The following PDE4D variants were observed in gnomAD, a reference collection of about 807,000 sequenced individuals.
PDE4D encodes the protein 3',5'-cyclic-AMP phosphodiesterase 4D.
Under a neutral mutation model 87.4 loss-of-function variants are expected in PDE4D, and 24 were observed. The ratio of observed to expected loss-of-function variants is 0.27; its 90% CI spans 0.20 to 0.39. The LOEUF (loss-of-function observed/expected upper bound fraction) is 0.39, where lower values mean the gene tolerates loss of function less well. PDE4D is among the 10% of genes least tolerant of loss of function. The probability of loss-of-function intolerance (pLI) is 1.00; values close to 1 mark genes in which losing one functional copy is unlikely to be tolerated. For missense variants in PDE4D, 714 were observed against 1,041.0 expected, an observed-to-expected ratio of 0.69 and a Z score of 4.32; for synonymous variants, 384 against 383.2, an observed-to-expected ratio of 1.00 and a Z score of -0.02.
chr5:60,100,820 A>G (rs1401380519), intron 2 of PDE4D, among the ~76,000 whole-genome samples: 1 of 152,134 alleles, frequency 6.6e-6, no homozygotes, highest in Non-Finnish European at 1.5e-5. Context: ...AAATATGTTC[A>G]CACATACACA....
At chr5:59,794,137 G>GCACACACACACACACA (rs58204799) in intron 1 of PDE4D, among the ~76,000 whole-genome samples, 1 of 144,956 alleles carries the variant, frequency 6.9e-6, no homozygotes, top group Non-Finnish European at 1.5e-5. Context: ...ACACAGAGGC[G>GCACACACACACACACA]CACACACACA....
chr5:60,365,905 A>G (rs374599698), intron 1 of PDE4D, among the ~76,000 whole-genome samples: 4 of 152,040 alleles, frequency 2.6e-5, no homozygotes, highest in African/African-American at 4.8e-5. Flanking sequence ...TTATTCGTGC[A>G]TGATGGCACA....
intron 1 of PDE4D, among the ~76,000 whole-genome samples, chr5:60,482,584 A>T (rs1030413275): frequency 7.9e-5 from 12 of 152,246 alleles, no homozygotes. Context: ...GAGTGGAGTC[A>T]CAAGAACACT....
chr5:60,383,296 G>T (rs1307448508), intron 1 of PDE4D, among the ~76,000 whole-genome samples: 1 of 152,132 alleles, frequency 6.6e-6, no homozygotes, highest in African/African-American at 2.4e-5. Context: ...AAAAAGAAAT[G>T]ATAAGCCCTC....
intron 3 of PDE4D, among the ~76,000 whole-genome samples, chr5:59,905,481 G>A (rs1175822083): frequency 6.6e-6 from 1 of 152,036 alleles, no homozygotes; most frequent in Non-Finnish European, 1.5e-5. Context: ...ATTCTTAAAA[G>A]TATGTCATTT....
At chr5:59,386,702 G>GAAGAGAGGGAGGGAGGGAGA (rs1562081601) in intron 1 of PDE4D, among the ~76,000 whole-genome samples, 7 of 144,884 alleles carry the variant, frequency 4.8e-5, no homozygotes, top group African/African-American at 1.5e-4. Context: ...AGGGAGGGAG[G>GAAGAGAGGGAGGGAGGGAGA]GAGGGAGGGA....
At chr5:60,393,843 G>A (rs1471945516) in intron 1 of PDE4D, among the ~76,000 whole-genome samples, 1 of 152,206 alleles carries the variant, frequency 6.6e-6, no homozygotes, top group South Asian at 2.1e-4. Context: ...AGATTCTGGT[G>A]TGGAAGAAAA....
At chr5:59,626,875 A>G (rs1337192106) in intron 1 of PDE4D, among the ~76,000 whole-genome samples, 1 of 152,224 alleles carries the variant, frequency 6.6e-6, no homozygotes, top group Non-Finnish European at 1.5e-5. Flanking sequence ...TGCCTCAAAC[A>G]TAAATAAGAT....
intron 1 of PDE4D, among the ~76,000 whole-genome samples, chr5:60,345,211 C>A (rs988777410): frequency 6.6e-6 from 1 of 151,940 alleles, no homozygotes; most frequent in African/African-American, 2.4e-5. Context: ...AAACCAAACA[C>A]CACATATTCT....
intron 1 of PDE4D, among the ~76,000 whole-genome samples, chr5:59,262,522 C>A (rs377345837): frequency 2.0e-5 from 3 of 151,660 alleles, no homozygotes; most frequent in South Asian, 2.1e-4. Flanking sequence ...GCTTCACAAT[C>A]GGAAAAGTTC....
chr5:59,561,023 C>T (rs1279278668), intron 1 of PDE4D: 1 of 152,190 alleles, frequency 6.6e-6, no homozygotes. Flanking sequence ...TCACCAATTT[C>T]CAGTTTTCTT....
At chr5:60,059,396 T>A (rs1318167110) in intron 2 of PDE4D, among the ~76,000 whole-genome samples, 1 of 152,014 alleles carries the variant, frequency 6.6e-6, no homozygotes, top group Non-Finnish European at 1.5e-5. Flanking sequence ...TCTGGTCATA[T>A]GTATTTACAA....
In PDE4D at chr5:59,029,139, G is replaced by A. The variant is rs376076614; in HGVS notation, c.921+9720C>T. 9.2e-5 allele frequency among the ~76,000 whole-genome samples: 14 copies of A among 152,012 alleles called. No individual in the cohort carries two copies. In the South Asian group the frequency reaches 1.0e-3, roughly 11 times the overall value. On this transcript the variant is annotated intron_variant, in intron 6 of 14. Transcript: ENST00000340635. The stretch of plus-strand genomic sequence containing the variant: ...AAAAAATACTTAGGAGCAGCCAGGC[G>A]TGGTGGCTCACTCCTGTAATCCCAG...
intron 1 of PDE4D, among the ~76,000 whole-genome samples, chr5:59,753,574 T>G (rs530978266): frequency 6.6e-6 from 1 of 152,054 alleles, no homozygotes; most frequent in Non-Finnish European, 1.5e-5. Context: ...ACAGTTGGAA[T>G]TGAACAGAGG....
At chr5:60,001,872 T>A (rs1263888328) in intron 2 of PDE4D, among the ~76,000 whole-genome samples, 1 of 77,132 alleles carries the variant, frequency 1.3e-5, no homozygotes. Flanking sequence ...AGTCCCATAG[T>A]AATTACAAAG....
At chr5:60,157,766 A>G (rs977237137) in intron 2 of PDE4D, among the ~76,000 whole-genome samples, 2 of 152,222 alleles carry the variant, frequency 1.3e-5, no homozygotes, top group Admixed American at 6.5e-5. Flanking sequence ...ACGAACCTAC[A>G]TCACTGCTCC....
intron 3 of PDE4D, among the ~76,000 whole-genome samples, chr5:59,938,381 G>C (rs2152795810): frequency 6.6e-6 from 1 of 152,268 alleles, no homozygotes; most frequent in South Asian, 2.1e-4. Flanking sequence ...GATTAAAGCA[G>C]TTTTTATTTT....
intron 5 of PDE4D, among the ~76,000 whole-genome samples, chr5:59,099,487 A>G (rs1449527583): frequency 6.6e-6 from 1 of 152,242 alleles, no homozygotes; most frequent in Non-Finnish European, 1.5e-5. Flanking sequence ...GAGAATCACC[A>G]TATTCACCAC....
chr5:59,923,410 A>G (rs1754896621), intron 3 of PDE4D, among the ~76,000 whole-genome samples: 1 of 152,194 alleles, frequency 6.6e-6, no homozygotes, highest in African/African-American at 2.4e-5. Context: ...GAGAGATCCA[A>G]TGCTGTGTTG....
Sources: gnomAD v4.1 joint callset for allele counts (sites outside exome capture counted in the v4.1 genomes callset) on GRCh38, gnomAD v4.1.1 for gene constraint, MANE v1.5 for transcripts, NCBI Gene and HGNC (gene_info 2026-07-23, HGNC 2026-07-21) for gene names.